The following IL1RAPL1 variants were observed in gnomAD, a reference collection of about 807,000 sequenced individuals.
IL1RAPL1 encodes the protein interleukin-1 receptor accessory protein-like 1.
Under a neutral mutation model 48.4 loss-of-function variants are expected in IL1RAPL1, and 3 were observed. The observed-to-expected ratio is 0.06, with a 90% CI of 0.03 to 0.16. IL1RAPL1 has a LOEUF of 0.16. IL1RAPL1 is among the 10% of genes least tolerant of loss of function. IL1RAPL1 has a pLI of 1.00. For missense variants in IL1RAPL1, 349 were observed against 530.6 expected (o/e 0.66, Z 3.36); for synonymous variants, 185 against 187.7 (o/e 0.99, Z 0.12).
At chrX:28,790,099 G>C (rs749957751) in intron 2 of IL1RAPL1, among the ~76,000 whole-genome samples, 22 of 112,102 alleles carry the variant, frequency 2.0e-4, no homozygotes, top group Non-Finnish European at 3.8e-4. Context: ...GTTGTATCTT[G>C]TCTAGTAAGT....
intron 1 of IL1RAPL1, among the ~76,000 whole-genome samples, chrX:28,707,473 T>G (rs1361206488): frequency 8.9e-6 from 1 of 112,223 alleles, no homozygotes; most frequent in Non-Finnish European, 1.9e-5. Context: ...AACCATATGA[T>G]TGCCACATAA....
intron 2 of IL1RAPL1, among the ~76,000 whole-genome samples, chrX:29,040,366 CA>C (rs1208276441): frequency 8.9e-6 from 1 of 112,000 alleles, no homozygotes; most frequent in African/African-American, 3.2e-5. Context: ...AGCTGCTTCT[CA>C]AAACATTAAA....
At chrX:29,456,145 C>T (rs755455806) in intron 5 of IL1RAPL1, among the ~76,000 whole-genome samples, 5 of 111,942 alleles carry the variant, frequency 4.5e-5, no homozygotes, top group Admixed American at 9.5e-5. Context: ...CTCAAAAGCC[C>T]GGAATTAGAA....
At chrX:29,263,338 A>G (rs747262618) in intron 2 of IL1RAPL1, among the ~76,000 whole-genome samples, 3 of 112,355 alleles carry the variant, frequency 2.7e-5, no homozygotes, top group Non-Finnish European at 5.6e-5. Context: ...GTGAACATAA[A>G]CTGGGAAAAC....
At chrX:29,562,086 T>TA (rs1922232305) in intron 5 of IL1RAPL1, among the ~76,000 whole-genome samples, 4 of 74,955 alleles carry the variant, frequency 5.3e-5, no homozygotes, top group African/African-American at 1.9e-4. Flanking sequence ...CTATCTAATC[T>TA]ATCTGTCTAT....
intron 2 of IL1RAPL1, among the ~76,000 whole-genome samples, chrX:29,024,950 C>G (rs762464036): frequency 1.8e-5 from 2 of 111,484 alleles, no homozygotes. Flanking sequence ...TGTTAGTAGT[C>G]ACTCCTCATT....
chrX:29,328,406 T>C (rs1932856325), intron 3 of IL1RAPL1, among the ~76,000 whole-genome samples: 1 of 110,940 alleles, frequency 9.0e-6, no homozygotes, highest in Non-Finnish European at 1.9e-5. Flanking sequence ...CTCTCCCTAT[T>C]ATACACACTG....
chrX:29,828,937 CAGA>C (rs1930803586), intron 6 of IL1RAPL1, among the ~76,000 whole-genome samples: 1 of 109,830 alleles, frequency 9.1e-6, no homozygotes, highest in Non-Finnish European at 1.9e-5. Flanking sequence ...ACGAGAAGGT[CAGA>C]AGGAGAGATT....
chrX:29,848,050 T>C (rs1188605605), intron 6 of IL1RAPL1, among the ~76,000 whole-genome samples: 1 of 111,272 alleles, frequency 9.0e-6, no homozygotes, highest in Non-Finnish European at 1.9e-5. Context: ...AATTCTCAAA[T>C]AGAAGAGTTC....
At chrX:29,560,280 G>T (rs1299409857) in intron 5 of IL1RAPL1, among the ~76,000 whole-genome samples, 2 of 111,564 alleles carry the variant, frequency 1.8e-5, no homozygotes, top group African/African-American at 6.5e-5. Flanking sequence ...AGAATCCCTA[G>T]TATGTGATGA....
At chrX:28,885,117 C>CA (rs915401313) in intron 2 of IL1RAPL1, among the ~76,000 whole-genome samples, 24 of 110,087 alleles carry the variant, frequency 2.2e-4, no homozygotes, top group Non-Finnish European at 3.6e-4. Flanking sequence ...CAAATAGATG[C>CA]AAAAAAAATG....
At chrX:29,746,627 C>T (rs979550823) in intron 6 of IL1RAPL1, among the ~76,000 whole-genome samples, 2 of 110,125 alleles carry the variant, frequency 1.8e-5, no homozygotes, top group Non-Finnish European at 3.8e-5. Context: ...TTTTTCTTCG[C>T]GACAAATTCT....
intron 5 of IL1RAPL1, among the ~76,000 whole-genome samples, chrX:29,538,338 CTTTTT>C (rs397896582): frequency 2.4e-5 from 2 of 83,621 alleles, no homozygotes. Context: ...CTTTTCTTTT[CTTTTT>C]TTTTTTTTTT....
chrX:29,452,577 T>G (rs1303890792), intron 5 of IL1RAPL1, among the ~76,000 whole-genome samples: 1 of 111,834 alleles, frequency 8.9e-6, no homozygotes, highest in African/African-American at 3.3e-5. Flanking sequence ...TTTGTTAATT[T>G]TTGATTTTGA....
intron 6 of IL1RAPL1, among the ~76,000 whole-genome samples, chrX:29,879,296 C>T (rs147011181): frequency 0.04 from 4,259 of 106,770 alleles, 224 homozygotes; most frequent in African/African-American, 0.14. Flanking sequence ...AGGATTAAGA[C>T]TTTGGGGGTG....
intron 6 of IL1RAPL1, among the ~76,000 whole-genome samples, chrX:29,690,191 G>C (rs983882001): frequency 1.8e-5 from 2 of 111,602 alleles, no homozygotes; most frequent in African/African-American, 6.5e-5. Flanking sequence ...AAAGAATGTT[G>C]TAAAGAGGAG....
intron 2 of IL1RAPL1, among the ~76,000 whole-genome samples, chrX:29,272,209 G>A (rs2147592506): frequency 9.0e-6 from 1 of 111,603 alleles, no homozygotes; most frequent in South Asian, 3.8e-4. Flanking sequence ...AGATCGGATG[G>A]TTGTAGGTGT....
chrX:29,132,703 C>A (rs188815392), intron 2 of IL1RAPL1, among the ~76,000 whole-genome samples: 296 of 111,927 alleles, frequency 2.6e-3, no homozygotes, highest in African/African-American at 9.3e-3. Context: ...ACTTGGCAGA[C>A]CATACTGTAA....
chrX:28,796,575 C>G (rs1487779908), intron 2 of IL1RAPL1, among the ~76,000 whole-genome samples: 1 of 111,935 alleles, frequency 8.9e-6, no homozygotes, highest in Non-Finnish European at 1.9e-5. Context: ...TCAAAATGAT[C>G]TCTTTTGACT....
Sources: gnomAD v4.1 joint callset for allele counts (sites outside exome capture counted in the v4.1 genomes callset) on GRCh38, gnomAD v4.1.1 for gene constraint, MANE v1.5 for transcripts, NCBI Gene and HGNC (gene_info 2026-07-23, HGNC 2026-07-21) for gene names.